UGT8: variants seen among roughly 807,000 people sequenced by gnomAD.
The protein encoded by UGT8 is UDP glycosyltransferase 8.
A neutral mutation model predicts 40.5 loss-of-function variants in UGT8; 12 were observed. That is an observed-to-expected ratio of 0.30 (90% confidence interval 0.19 to 0.48). The LOEUF is 0.48. Among genes scored for constraint, UGT8 ranks in the 20% least tolerant of loss-of-function variants. UGT8 has a pLI of 0.99. For missense variants in UGT8, 513 were observed against 648.7 expected, an observed-to-expected ratio of 0.79 and a Z score of 2.27; for synonymous variants, 224 against 240.4, an observed-to-expected ratio of 0.93 and a Z score of 0.63.
chr4:114,649,635 A>G (rs1252030439), intron 2 of UGT8, among the ~76,000 whole-genome samples: 2 of 152,114 alleles, frequency 1.3e-5, no homozygotes. Context: ...CATTTTTGTT[A>G]CATCTCATTG....
intron 1 of UGT8, among the ~76,000 whole-genome samples, chr4:114,610,071 T>C (rs1052273010): frequency 1.3e-5 from 2 of 152,184 alleles, no homozygotes; most frequent in East Asian, 3.9e-4. Flanking sequence ...TTTTGATTCA[T>C]GTATCACAGA....
At chr4:114,629,815 T>C (rs1008923579) in intron 2 of UGT8, among the ~76,000 whole-genome samples, 3 of 152,170 alleles carry the variant, frequency 2.0e-5, no homozygotes, top group Admixed American at 1.3e-4. Context: ...AACAAACTTG[T>C]TTTGAATTGA....
chr4:114,661,831 A>G (rs1394505930), intron 2 of UGT8, among the ~76,000 whole-genome samples: 1 of 152,192 alleles, frequency 6.6e-6, no homozygotes, highest in Non-Finnish European at 1.5e-5. Context: ...TGAAGGAAAC[A>G]TGATGAATAT....
intron 1 of UGT8, among the ~76,000 whole-genome samples, chr4:114,619,134 G>C (rs954459616): frequency 6.6e-6 from 1 of 151,642 alleles, no homozygotes; most frequent in African/African-American, 2.4e-5. Context: ...ATTAAATTTC[G>C]AACAAAACCC....
chr4:114,624,169 T>C (rs532894713), intron 2 of UGT8, among the ~76,000 whole-genome samples: 1 of 152,342 alleles, frequency 6.6e-6, no homozygotes, highest in African/African-American at 2.4e-5. Flanking sequence ...TGTCCAATAA[T>C]GAAAGTGAGG....
intron 1 of UGT8, among the ~76,000 whole-genome samples, chr4:114,617,800 A>C (rs1731533083): frequency 1.3e-5 from 2 of 152,194 alleles, no homozygotes; most frequent in African/African-American, 4.8e-5. Flanking sequence ...ACATCTGGGG[A>C]GTAAGTGGAG....
At chr4:114,638,404 C>T (rs1280435491) in intron 2 of UGT8, among the ~76,000 whole-genome samples, 1 of 152,130 alleles carries the variant, frequency 6.6e-6, no homozygotes, top group African/African-American at 2.4e-5. Context: ...CCATCCCTGA[C>T]TTTTGGATCT....
intron 2 of UGT8, among the ~76,000 whole-genome samples, chr4:114,625,511 A>T (rs1364215877): frequency 1.0e-5 from 1 of 96,484 alleles, no homozygotes; most frequent in Admixed American, 9.5e-5. Flanking sequence ...ACCCTGTCTA[A>T]AAAAAAAAAA....
intron 2 of UGT8, among the ~76,000 whole-genome samples, chr4:114,648,517 T>C (rs976451908): frequency 1.3e-5 from 2 of 152,134 alleles, no homozygotes; most frequent in African/African-American, 4.8e-5. Context: ...GTATATATAA[T>C]TTATTTCAAT....
intron 5 of UGT8, among the ~76,000 whole-genome samples, chr4:114,671,014 C>T (rs1213298147): frequency 6.6e-6 from 1 of 152,042 alleles, no homozygotes; most frequent in Non-Finnish European, 1.5e-5. Flanking sequence ...TTTACACCAA[C>T]AATAGGCAAG....
At chr4:114,650,876 G>GT (rs1293126443) in intron 2 of UGT8, among the ~76,000 whole-genome samples, 2 of 151,636 alleles carry the variant, frequency 1.3e-5, no homozygotes, top group Non-Finnish European at 2.9e-5. Flanking sequence ...AGATATGCAA[G>GT]TTTTTTTCTA....
At chr4:114,607,847 A>G (rs1730824951) in intron 1 of UGT8, among the ~76,000 whole-genome samples, 1 of 152,102 alleles carries the variant, frequency 6.6e-6, no homozygotes, top group African/African-American at 2.4e-5. Flanking sequence ...GTGTAGTCCC[A>G]CATCACTTCT....
intron 1 of UGT8, among the ~76,000 whole-genome samples, chr4:114,611,786 A>G (rs961257105): frequency 2.0e-5 from 3 of 151,992 alleles, no homozygotes; most frequent in Non-Finnish European, 4.4e-5. Context: ...AAAAAGGAAA[A>G]TTGCATTTTT....
intron 2 of UGT8, among the ~76,000 whole-genome samples, chr4:114,634,384 A>G (rs1481618369): frequency 6.6e-6 from 1 of 152,188 alleles, no homozygotes; most frequent in East Asian, 1.9e-4. Flanking sequence ...CTTCCAAGAG[A>G]TTATAGTAAA....
chr4:114,661,213 A>G (rs1206485379), intron 2 of UGT8, among the ~76,000 whole-genome samples: 2 of 152,192 alleles, frequency 1.3e-5, no homozygotes, highest in South Asian at 4.1e-4. Context: ...AGCAGAAGAT[A>G]TTTGACCAGG....
chr4:114,609,948 ATCT>A (rs1376627428), intron 1 of UGT8, among the ~76,000 whole-genome samples: 1 of 152,142 alleles, frequency 6.6e-6, no homozygotes, highest in Non-Finnish European at 1.5e-5. Context: ...TATGCTAGAA[ATCT>A]TCTGTCTTAG....
At chr4:114,656,962 C>T (rs918243808) in intron 2 of UGT8, 2 of 357,164 alleles carry the variant, frequency 5.6e-6, no homozygotes. Context: ...AGCAGCTGGT[C>T]ATGGCTATCA....
intron 1 of UGT8, among the ~76,000 whole-genome samples, chr4:114,602,248 T>G (rs1048368830): frequency 6.6e-6 from 1 of 152,232 alleles, no homozygotes; most frequent in African/African-American, 2.4e-5. Flanking sequence ...TTTAGGAATA[T>G]GTATACTAGA....
Position 114,604,912 on chromosome 4 carries a change from C to CT in UGT8, c.-3+5948dup, listed in dbSNP as rs796576135. ...TCTATTTTGCAGTTGTGTTTCAGTG[C>CT]TTTTTTTTTTCCCACTGTGCTTAGT... On this transcript the variant is annotated intron_variant, in intron 1 of 5. Coordinates refer to ENST00000310836, the MANE Select transcript of UGT8 (RefSeq NM_001128174.3). Among the ~76,000 whole-genome samples the CT allele has an allele frequency of 6.8e-3, 1,015 of 148,690 alleles. 9 individuals are homozygous for CT. The highest frequency in any genetic ancestry group is 0.017 in the Middle Eastern group (5 of 288).
Sources: gnomAD v4.1 joint callset for allele counts (sites outside exome capture counted in the v4.1 genomes callset) on GRCh38, gnomAD v4.1.1 for gene constraint, MANE v1.5 for transcripts, NCBI Gene and HGNC (gene_info 2026-07-23, HGNC 2026-07-21) for gene names.